The following SLC4A7 variants were observed in gnomAD, a reference collection of about 807,000 sequenced individuals.
SLC4A7 encodes sodium bicarbonate cotransporter 3.
In SLC4A7, 51 loss-of-function variants were observed where a neutral mutation model predicts 137.6. The ratio of observed to expected loss-of-function variants is 0.37; its 90% confidence interval spans 0.30 to 0.47. The LOEUF (loss-of-function observed/expected upper bound fraction) is 0.47. SLC4A7 is among the 20% of genes least tolerant of loss of function. The pLI is 1.00. For missense variants in SLC4A7, 1,247 were observed against 1,525.4 expected (o/e 0.82, Z 3.04); for synonymous variants, 542 against 518.6 (o/e 1.05, Z -0.61).
In SLC4A7 at chr3:27,394,586, G is replaced by A. The variant is rs1489751950; in HGVS notation, c.3049C>T (p.Gln1017Ter). Residue 1017 changes from glutamine (Q) to a stop codon, truncating the protein, a stop_gained, in exon 20 of 26, where the codon CAG becomes TAG. Transcript: ENST00000454389. LOFTEE classifies it high-confidence loss of function. ...AAAATCATTAGCCCTGTAACCCGCT[G>A]TTCACGAATTCCCAAAAACTTGGGT... Reference protein sequence around the residue: ...EQPKFLGIREQRVTGLMIFIL... With the variant: ...EQPKFLGIRE The A allele has an allele frequency of 6.2e-7, 1 of 1,613,962 alleles. No homozygotes were observed. The highest frequency in any genetic ancestry group is 8.5e-7 in the Non-Finnish European group (1 of 1,179,954).
intron 23 of SLC4A7, among the ~76,000 whole-genome samples, chr3:27,385,364 C>T (rs1278112722): frequency 6.6e-6 from 1 of 152,042 alleles, no homozygotes; most frequent in Non-Finnish European, 1.5e-5. Context: ...AATGGTGGTA[C>T]ACAGTAAGTG....
intron 1 of SLC4A7, among the ~76,000 whole-genome samples, chr3:27,471,050 A>T (rs2059224116): frequency 6.6e-6 from 1 of 152,202 alleles, no homozygotes; most frequent in African/African-American, 2.4e-5. Flanking sequence ...TCTTAGCCAA[A>T]TGGCCGGGAA....
intron 19 of SLC4A7, 26 bp from the exon 20 acceptor site, chr3:27,394,795 T>C (rs779239071): frequency 3.7e-6 from 6 of 1,607,706 alleles, no homozygotes; most frequent in Non-Finnish European, 5.1e-6. Context: ...AACATAAATA[T>C]CTGTAAGTCT....
At chr3:27,388,136 T>C (rs531284509) in intron 22 of SLC4A7, among the ~76,000 whole-genome samples, 3 of 152,326 alleles carry the variant, frequency 2.0e-5, no homozygotes, top group African/African-American at 4.8e-5. Flanking sequence ...TAAAATCACT[T>C]GGGTTAATAG....
At chr3:27,464,548 T>G (rs1338139945) in intron 1 of SLC4A7, among the ~76,000 whole-genome samples, 2 of 151,746 alleles carry the variant, frequency 1.3e-5, no homozygotes, top group Admixed American at 1.3e-4. Flanking sequence ...ATACAAAAAT[T>G]AGCCAGGCGT....
rs1343772897 is a variant in SLC4A7, at chr3:27,375,693, T to C, written c.*1071A>G. Reference sequence around the variant, plus strand: ...TACTTTTCCAAATGTTTATATAATATTTAAGCATCATATCAAAATAAATAT... The same window carrying C: ...TACTTTTCCAAATGTTTATATAATACTTAAGCATCATATCAAAATAAATAT... On this transcript the variant is annotated 3_prime_UTR_variant, in exon 26 of 26. Transcript: ENST00000454389. 2.0e-5 allele frequency: 3 copies of C among 152,424 alleles called. No homozygotes were observed. Among genetic ancestry groups the C allele is most frequent in the South Asian group, 4.1e-4 (2 of 4,830 alleles). The allele number at this position is 152,424 out of a possible 1,614,324, so 9.4% of individuals were successfully genotyped here.
intron 11 of SLC4A7, among the ~76,000 whole-genome samples, chr3:27,414,433 G>A (rs1289391271): frequency 2.6e-5 from 4 of 152,068 alleles, no homozygotes; most frequent in African/African-American, 4.8e-5. Context: ...ATGAACAGTC[G>A]AACATATATT....
At chr3:27,480,237 G>A (rs953471794) in intron 1 of SLC4A7, among the ~76,000 whole-genome samples, 2 of 152,104 alleles carry the variant, frequency 1.3e-5, no homozygotes, top group African/African-American at 4.8e-5. Flanking sequence ...CTACAGCTTT[G>A]TTTCATCTTG....
At chr3:27,388,176 T>C (rs2051165983) in intron 22 of SLC4A7, among the ~76,000 whole-genome samples, 1 of 152,188 alleles carries the variant, frequency 6.6e-6, no homozygotes, top group African/African-American at 2.4e-5. Context: ...ACAAATATGT[T>C]AATAATTGCT....
In SLC4A7 at chr3:27,373,949, T is replaced by TCATTCA. The variant is rs1161348389; in HGVS notation, c.*2809_*2814dup. The TCATTCA allele has an allele frequency of 6.6e-6, 1 of 152,536 alleles. No homozygotes were observed. Among genetic ancestry groups the TCATTCA allele is most frequent in the Non-Finnish European group, 1.5e-5 (1 of 67,954 alleles). The allele number at this position is 152,536 out of a possible 1,614,324, so 9.4% of individuals were successfully genotyped here. Reference sequence around the variant, plus strand: ...ACTTTTAACAGATATAAGATCAGTATCATTCACATTCACACAAACATACAC... The same window carrying TCATTCA: ...ACTTTTAACAGATATAAGATCAGTATCATTCACATTCACATTCACACAAACATACAC... On this transcript the variant is annotated 3_prime_UTR_variant, in exon 26 of 26. Coordinates refer to ENST00000454389, the MANE Select transcript of SLC4A7 (RefSeq NM_001321103.2).
intron 17 of SLC4A7, 76 bp downstream of exon 17, chr3:27,398,116 T>G (rs2052383663): frequency 2.9e-6 from 3 of 1,040,804 alleles, no homozygotes; most frequent in Non-Finnish European, 4.3e-6. Flanking sequence ...AATATATTAC[T>G]GTTTTGAAAT....
intron 10 of SLC4A7, 126 bp from the exon 11 acceptor site, chr3:27,418,758 A>G (rs2054637716): frequency 1.7e-6 from 1 of 604,696 alleles, no homozygotes; most frequent in East Asian, 2.9e-5. Context: ...TATCTCAGGC[A>G]GGTATTCAGC....
At chr3:27,426,627 C>T (rs2055656517) in intron 7 of SLC4A7, among the ~76,000 whole-genome samples, 1 of 152,078 alleles carries the variant, frequency 6.6e-6, no homozygotes, top group Admixed American at 6.5e-5. Context: ...TAAGGATATG[C>T]CAGCAATGAG....
intron 10 of SLC4A7, among the ~76,000 whole-genome samples, chr3:27,419,344 G>T (rs911190543): frequency 6.6e-6 from 1 of 151,616 alleles, no homozygotes; most frequent in Admixed American, 6.6e-5. Context: ...CGAGGCAGGC[G>T]GATCGCCTGA....
Position 27,484,113 on chromosome 3 carries a change from C to A in SLC4A7, c.14G>T (p.Gly5Val). 2 of 1,392,180 alleles carry A rather than the reference C, an allele frequency of 1.4e-6. No homozygotes were observed. The highest frequency in any genetic ancestry group is 1.9e-6 in the Non-Finnish European group (2 of 1,067,960). The allele number at this position is 1,392,180 out of a possible 1,614,324, so 86.2% of individuals were successfully genotyped here. Residue 5 changes from glycine to valine, a missense_variant, in exon 1 of 26, where the codon GGG becomes GTG. Physicochemically the swap from Gly to Val is moderately radical, Grantham distance 109. This residue lies in a region of SLC4A7 where 176 missense variants were observed against 186.4 expected (regional missense o/e 0.94). Coordinates refer to ENST00000454389, the MANE Select transcript of SLC4A7 (RefSeq NM_001321103.2). ...TAGCGGTCTCATCTGCTCGCCGGCC[C>A]CATCAGCCTCCATGGCCGGCCGGCC... MEADGAGEQMRPLLT... is the reference protein window; with the variant it reads MEADVAGEQMRPLLT...
chr3:27,427,769 G>A (rs142680634), intron 7 of SLC4A7, among the ~76,000 whole-genome samples: 3 of 152,026 alleles, frequency 2.0e-5, no homozygotes, highest in African/African-American at 4.8e-5. Flanking sequence ...ATCTACAGTC[G>A]TCTTTTTAAC....
At chr3:27,448,605 G>A in intron 3 of SLC4A7, 46 bp downstream of exon 3, 1 of 1,519,942 alleles carries the variant, frequency 6.6e-7, no homozygotes, top group Non-Finnish European at 8.9e-7. Context: ...TACTTTCCAG[G>A]AAAATAGGAA....
intron 1 of SLC4A7, among the ~76,000 whole-genome samples, chr3:27,470,378 GA>G (rs2059188810): frequency 1.3e-5 from 2 of 151,848 alleles, no homozygotes; most frequent in Non-Finnish European, 2.9e-5. Flanking sequence ...AATGAAATAT[GA>G]AGTTAAATTT....
Position 27,443,433 on chromosome 3 carries a change from T to C in SLC4A7, c.289+5218A>G, listed in dbSNP as rs138080215. On this transcript the variant is annotated intron_variant, in intron 3 of 25. Coordinates refer to ENST00000454389, the MANE Select transcript of SLC4A7 (RefSeq NM_001321103.2). ...TCTGATCAATCTGGCTTTAGAGTTA[T>C]CAATTTTAATAATCTTTTTTCAACG... is the stretch of plus-strand genomic sequence containing the variant. Among the ~76,000 whole-genome samples the C allele has an allele frequency of 3.1e-3, 471 of 152,262 alleles. 3 individuals are homozygous for C. The highest frequency in any genetic ancestry group is 0.011 in the African/African-American group (457 of 41,564).
Sources: gnomAD v4.1 joint callset for allele counts (sites outside exome capture counted in the v4.1 genomes callset) on GRCh38, gnomAD v4.1.1 for gene constraint, gnomAD v4.1.1 regional missense constraint, MANE v1.5 for transcripts, NCBI Gene and HGNC (gene_info 2026-07-23, HGNC 2026-07-21) for gene names.